The following ROBO1 variants were observed in gnomAD, a reference collection of about 807,000 sequenced individuals.
ROBO1 encodes the protein roundabout guidance receptor 1, also known as roundabout homolog 1.
ROBO1 carries 149 observed loss-of-function variants against 195.9 expected under a neutral mutation model. The observed-to-expected ratio is 0.76, with a 90% confidence interval of 0.67 to 0.87. The LOEUF is 0.87. Ranked by LOEUF, ROBO1 falls within the 40% of genes least tolerant of loss-of-function variation. The pLI, the probability that ROBO1 is intolerant of heterozygous loss-of-function variation, is 0.00. For synonymous variants in ROBO1, 816 were observed against 733.2 expected, an observed-to-expected ratio of 1.11 and a Z score of -1.82; for missense variants, 1,933 against 2,068.3, an observed-to-expected ratio of 0.93 and a Z score of 1.27.
At chr3:79,358,851 C>G (rs2035660433) in intron 2 of ROBO1, among the ~76,000 whole-genome samples, 1 of 152,066 alleles carries the variant, frequency 6.6e-6, no homozygotes, top group African/African-American at 2.4e-5. Flanking sequence ...TTTGCCATTA[C>G]AAGTCACTAA....
intron 2 of ROBO1, among the ~76,000 whole-genome samples, chr3:79,154,239 A>G (rs900385945): frequency 6.6e-6 from 1 of 151,776 alleles, no homozygotes; most frequent in Non-Finnish European, 1.5e-5. Flanking sequence ...CAAGATTACA[A>G]TTAAAGTCTT....
intron 2 of ROBO1, among the ~76,000 whole-genome samples, chr3:79,331,013 G>A (rs2034418777): frequency 6.6e-6 from 1 of 152,164 alleles, no homozygotes; most frequent in Non-Finnish European, 1.5e-5. Context: ...AACCGGACAT[G>A]TATGGCTCAG....
chr3:79,318,582 AT>A (rs2033840691), intron 2 of ROBO1, among the ~76,000 whole-genome samples: 1 of 152,226 alleles, frequency 6.6e-6, no homozygotes, highest in Admixed American at 6.5e-5. Context: ...GAATTGACAT[AT>A]CTAATCAAAT....
chr3:79,574,224 A>AT (rs35965305), intron 2 of ROBO1, among the ~76,000 whole-genome samples: 1 of 152,082 alleles, frequency 6.6e-6, no homozygotes, highest in Non-Finnish European at 1.5e-5. Flanking sequence ...GTGTTTCCTC[A>AT]TTTTAATACA....
chr3:79,303,689 C>T (rs1464389919), intron 2 of ROBO1, among the ~76,000 whole-genome samples: 1 of 152,050 alleles, frequency 6.6e-6, no homozygotes, highest in Non-Finnish European at 1.5e-5. Flanking sequence ...GTGTAAAATC[C>T]TGTCATTTGG....
chr3:79,506,835 T>A (rs1463987676), intron 2 of ROBO1, among the ~76,000 whole-genome samples: 1 of 152,230 alleles, frequency 6.6e-6, no homozygotes, highest in Non-Finnish European at 1.5e-5. Flanking sequence ...ACTTACATAT[T>A]AGGTATGTGA....
chr3:78,717,886 T>TA lies in ROBO1; in HGVS notation c.658-4dup, dbSNP rs750375001. On this transcript the variant is annotated splice_polypyrimidine_tract_variant and splice_region_variant and intron_variant, in intron 5 of 30. Coordinates refer to ENST00000464233, the MANE Select transcript of ROBO1 (RefSeq NM_002941.4). ...ATCATGAGCTTTCCTCCTCGTATCTTAAAAAAAAAGTTTCACAGGAATACT... is the reference window on the plus strand; with the variant it reads ...ATCATGAGCTTTCCTCCTCGTATCTTAAAAAAAAAAGTTTCACAGGAATACT... 5.7e-5 allele frequency: 91 copies of TA among 1,594,710 alleles called. No homozygotes were observed. Among genetic ancestry groups the TA allele is most frequent in the Non-Finnish European group, 6.6e-5 (77 of 1,167,680 alleles).
chr3:79,123,688 T>C (rs1405117232), intron 3 of ROBO1, among the ~76,000 whole-genome samples: 5 of 152,036 alleles, frequency 3.3e-5, no homozygotes, highest in Admixed American at 1.3e-4. Flanking sequence ...TTCAGAAGAT[T>C]GTCTTTCAGT....
chr3:79,739,983 C>T (rs556967917), intron 1 of ROBO1, among the ~76,000 whole-genome samples: 1 of 152,132 alleles, frequency 6.6e-6, no homozygotes, highest in East Asian at 1.9e-4. Context: ...AACTCTAAGA[C>T]ATGTGTCATG....
intron 2 of ROBO1, among the ~76,000 whole-genome samples, chr3:79,165,842 G>A (rs1442615944): frequency 1.3e-5 from 2 of 152,204 alleles, no homozygotes. Flanking sequence ...TTTTATTGAT[G>A]TGATTAAGTC....
chr3:79,600,006 C>CA lies in ROBO1; in HGVS notation c.-50-10046dup, dbSNP rs1209365027. ...GAAGATGATTCCTTAAAAGTATACT[C>CA]ATGTACACCAAGACAGAAAGAAAGC... On this transcript the variant is annotated intron_variant, in intron 1 of 30. Transcript: ENST00000464233. Among the ~76,000 whole-genome samples, 7 of 151,620 alleles carry CA rather than the reference C, an allele frequency of 4.6e-5. 1 individual carries two copies. In the East Asian group the frequency reaches 1.4e-3, roughly 30 times the overall value.
chr3:79,330,404 A>G (rs936000990), intron 2 of ROBO1, among the ~76,000 whole-genome samples: 1 of 151,018 alleles, frequency 6.6e-6, no homozygotes, highest in African/African-American at 2.4e-5. Context: ...TGGCCATAGA[A>G]TATTTTTCTA....
intron 2 of ROBO1, among the ~76,000 whole-genome samples, chr3:79,509,619 A>G (rs73848902): frequency 0.038 from 5,817 of 152,102 alleles, 395 homozygotes; most frequent in African/African-American, 0.13. Flanking sequence ...TATCTTCCTT[A>G]TATATATTAC....
At chr3:79,754,980 A>G (rs906430319) in intron 1 of ROBO1, among the ~76,000 whole-genome samples, 2 of 152,074 alleles carry the variant, frequency 1.3e-5, no homozygotes, top group Admixed American at 1.3e-4. Flanking sequence ...TCCCAGGTTC[A>G]ATCTATTCTC....
At chr3:79,117,682 T>C (rs2080032939) in intron 3 of ROBO1, among the ~76,000 whole-genome samples, 1 of 152,202 alleles carries the variant, frequency 6.6e-6, no homozygotes, top group African/African-American at 2.4e-5. Flanking sequence ...TGTAGCTGAC[T>C]AAATAGTTTC....
chr3:79,014,771 G>A (rs1242872083), intron 3 of ROBO1, among the ~76,000 whole-genome samples: 4 of 152,018 alleles, frequency 2.6e-5, no homozygotes, highest in Non-Finnish European at 5.9e-5. Flanking sequence ...AGCTTGCAGG[G>A]CAGTTTATAT....
chr3:78,929,457 G>A, intron 4 of ROBO1, among the ~76,000 whole-genome samples: 1 of 151,710 alleles, frequency 6.6e-6, no homozygotes, highest in East Asian at 1.9e-4. Context: ...TGTCAACACA[G>A]AAATTATTTC....
chr3:78,945,947 A>G lies in ROBO1; in HGVS notation c.173-7020T>C, dbSNP rs140437320. ...ATGGAAGACGAAATGAATGAAATGAAGCGAGAAGAGAAGTTTAGAGAAAAA... is the reference window on the plus strand; with the variant it reads ...ATGGAAGACGAAATGAATGAAATGAGGCGAGAAGAGAAGTTTAGAGAAAAA... On this transcript the variant is annotated intron_variant, in intron 3 of 30. Coordinates refer to ENST00000464233, the MANE Select transcript of ROBO1 (RefSeq NM_002941.4). 3.3e-3 allele frequency among the ~76,000 whole-genome samples: 509 copies of G among 152,124 alleles called. 4 individuals are homozygous for G. Among genetic ancestry groups the G allele is most frequent in the African/African-American group, 0.012 (484 of 41,486 alleles).
At chr3:78,679,427 C>T (rs2080831652) in intron 10 of ROBO1, among the ~76,000 whole-genome samples, 1 of 152,144 alleles carries the variant, frequency 6.6e-6, no homozygotes, top group African/African-American at 2.4e-5. Flanking sequence ...CTACAAAAAC[C>T]CCATTGTCTC....
Sources: allele counts gnomAD v4.1 joint callset (sites outside exome capture counted in the v4.1 genomes callset), GRCh38; gene constraint gnomAD v4.1.1; transcripts MANE v1.5; gene names NCBI Gene and HGNC (gene_info 2026-07-23, HGNC 2026-07-21).